The following HIP1 variants were observed in gnomAD, a reference collection of about 807,000 sequenced individuals.
The protein encoded by HIP1 is huntingtin-interacting protein 1.
HIP1 carries 65 observed loss-of-function variants against 147.6 expected under a neutral mutation model. The ratio of observed to expected loss-of-function variants is 0.44; its 90% CI spans 0.36 to 0.54. The LOEUF is 0.54. Among genes scored for constraint, HIP1 ranks in the 20% least tolerant of loss-of-function variants. The pLI is 0.00. For missense variants in HIP1, 1,061 were observed against 1,299.6 expected (o/e 0.82, Z 2.82); for synonymous variants, 479 against 504.0 (o/e 0.95, Z 0.67).
intron 1 of HIP1, among the ~76,000 whole-genome samples, chr7:75,664,995 T>A (rs1477627546): frequency 1.3e-5 from 2 of 152,100 alleles, no homozygotes; most frequent in Admixed American, 6.6e-5. Flanking sequence ...TCTGGTTGGC[T>A]GGGTTTGGTG....
Position 75,536,685 on chromosome 7 carries a change from CTT to C in HIP1, c.*1485_*1486del, listed in dbSNP as rs1356513734. ...AGGAGTTGGAGCCGCTGGCTCTGTCCTTTCTCATTTTCTCTGACCCAAGAGCT... is the reference window on the plus strand; with the variant it reads ...AGGAGTTGGAGCCGCTGGCTCTGTCCTCTCATTTTCTCTGACCCAAGAGCT... On this transcript the variant is annotated 3_prime_UTR_variant, in exon 31 of 31. Coordinates refer to ENST00000336926, the MANE Select transcript of HIP1 (RefSeq NM_005338.7). 1 of 228,710 alleles carries C rather than the reference CTT, an allele frequency of 4.4e-6. No homozygotes were observed. The highest frequency in any genetic ancestry group is 8.7e-6 in the Non-Finnish European group (1 of 115,370). 14.2% of individuals were successfully genotyped at this position (228,710 alleles called of 1,614,324 possible).
chr7:75,691,935 T>G, intron 1 of HIP1, among the ~76,000 whole-genome samples: 3 of 149,634 alleles, frequency 2.0e-5, no homozygotes, highest in African/African-American at 2.5e-5. Context: ...TTGCAGGGGG[T>G]GGGGAGGGGT....
chr7:75,573,684 C>T, intron 8 of HIP1, 77 bp downstream of exon 8: 2 of 1,464,228 alleles, frequency 1.4e-6, no homozygotes, highest in Non-Finnish European at 1.9e-6. Context: ...GACTGCGTTT[C>T]TCTGGGGACA....
intron 1 of HIP1, among the ~76,000 whole-genome samples, chr7:75,670,242 C>T (rs540090919): frequency 6.6e-6 from 1 of 152,256 alleles, no homozygotes; most frequent in Admixed American, 6.5e-5. Context: ...CTCCAAACTC[C>T]TGGGCTCAAG....
intron 1 of HIP1, among the ~76,000 whole-genome samples, chr7:75,685,698 G>A (rs1281758709): frequency 3.9e-5 from 6 of 152,164 alleles, no homozygotes; most frequent in African/African-American, 9.6e-5. Context: ...ACAGGCACCC[G>A]CCACCACGCC....
At chr7:75,643,008 C>T (rs1554510677) in intron 1 of HIP1, among the ~76,000 whole-genome samples, 1 of 152,206 alleles carries the variant, frequency 6.6e-6, no homozygotes, top group African/African-American at 2.4e-5. Flanking sequence ...GCCTAGAAGG[C>T]TCTCAGTTCC....
intron 24 of HIP1, 39 bp downstream of exon 24, chr7:75,547,716 T>C (rs1313173666): frequency 2.6e-6 from 4 of 1,558,114 alleles, no homozygotes; most frequent in Admixed American, 1.7e-5. Flanking sequence ...GGAAGACAGA[T>C]CCTGCTCCCC....
chr7:75,557,360 A>C (rs1293515332), intron 16 of HIP1, among the ~76,000 whole-genome samples: 2 of 151,814 alleles, frequency 1.3e-5, no homozygotes, highest in South Asian at 2.1e-4. Flanking sequence ...ACAAAAAAAA[A>C]CGCTCATCCC....
intron 2 of HIP1, among the ~76,000 whole-genome samples, chr7:75,596,956 A>G (rs587611212): frequency 6.6e-6 from 1 of 152,284 alleles, no homozygotes; most frequent in Admixed American, 6.5e-5. Flanking sequence ...CTTTTATCAG[A>G]TTGATCACAA....
chr7:75,675,873 TG>T (rs1799870736), intron 1 of HIP1, among the ~76,000 whole-genome samples: 2 of 152,050 alleles, frequency 1.3e-5, no homozygotes, highest in Admixed American at 1.3e-4. Context: ...CCTAGCTACT[TG>T]GGAGACTAAG....
chr7:75,683,529 G>C (rs1800163613), intron 1 of HIP1, among the ~76,000 whole-genome samples: 1 of 152,156 alleles, frequency 6.6e-6, no homozygotes, highest in South Asian at 2.1e-4. Flanking sequence ...GGGGAAGCTG[G>C]AGGGGCAGGA....
chr7:75,580,246 G>A (rs782716170), intron 7 of HIP1, among the ~76,000 whole-genome samples: 9 of 152,254 alleles, frequency 5.9e-5, no homozygotes, highest in Middle Eastern at 6.8e-3. Context: ...AGTAGAAATC[G>A]TGCCCATGAG....
At chr7:75,617,712 G>A (rs1797716693) in intron 1 of HIP1, among the ~76,000 whole-genome samples, 1 of 152,206 alleles carries the variant, frequency 6.6e-6, no homozygotes, top group Non-Finnish European at 1.5e-5. Flanking sequence ...GGGCCCATAT[G>A]CCCTCCTCTC....
intron 1 of HIP1, among the ~76,000 whole-genome samples, chr7:75,686,185 C>T (rs528077141): frequency 2.0e-5 from 3 of 152,326 alleles, no homozygotes; most frequent in Non-Finnish European, 2.9e-5. Context: ...CCACTGCACC[C>T]GGCCCCAGCC....
chr7:75,563,126 G>A (rs1554494906), intron 10 of HIP1, 51 bp from the exon 11 acceptor site: 15 of 1,613,936 alleles, frequency 9.3e-6, no homozygotes, highest in South Asian at 5.5e-5. Flanking sequence ...AGGCCCCGCC[G>A]GCCCTTAAGA....
At chr7:75,587,274 G>A (rs1326907061) in intron 4 of HIP1, among the ~76,000 whole-genome samples, 3 of 152,054 alleles carry the variant, frequency 2.0e-5, no homozygotes, top group African/African-American at 7.2e-5. Context: ...TAGAGATGGG[G>A]TTTCACCATA....
rs183008769 is a variant in HIP1 at position 75,681,383 on chromosome 7, C to A, written c.120+57418G>T. Reference sequence around the variant, plus strand: ...CCACCAAGAAGGCTCTTCTTGACCTCCTCTACCAGCTAATTCCCACTCGTC... The same window carrying A: ...CCACCAAGAAGGCTCTTCTTGACCTACTCTACCAGCTAATTCCCACTCGTC... On this transcript the variant is annotated intron_variant, in intron 1 of 30. Coordinates refer to ENST00000336926, the MANE Select transcript of HIP1 (RefSeq NM_005338.7). 1.7e-4 allele frequency among the ~76,000 whole-genome samples: 26 copies of A among 152,128 alleles called. 1 individual carries two copies. The East Asian group carries it at 4.3e-3, about 25-fold the overall frequency.
intron 1 of HIP1, among the ~76,000 whole-genome samples, chr7:75,692,116 C>T (rs1800474895): frequency 6.6e-6 from 1 of 152,164 alleles, no homozygotes; most frequent in South Asian, 2.1e-4. Flanking sequence ...AAGCAGCCAG[C>T]AGTTTCCAGT....
At chr7:75,608,201 G>A (rs1234901396) in intron 1 of HIP1, among the ~76,000 whole-genome samples, 7 of 151,950 alleles carry the variant, frequency 4.6e-5, no homozygotes, top group Non-Finnish European at 8.8e-5. Flanking sequence ...CCAGCTGCTC[G>A]GAAGGCTGAG....
Sources: gnomAD v4.1 joint callset for allele counts (sites outside exome capture counted in the v4.1 genomes callset) on GRCh38, gnomAD v4.1.1 for gene constraint, MANE v1.5 for transcripts, NCBI Gene and HGNC (gene_info 2026-07-23, HGNC 2026-07-21) for gene names.